Variants in ADGRB3 observed in about 807,000 individuals in gnomAD.
ADGRB3 encodes adhesion G protein-coupled receptor B3, also known as brain-specific angiogenesis inhibitor 3.
Under a neutral mutation model 193.4 loss-of-function variants are expected in ADGRB3, and 37 were observed. The ratio of observed to expected loss-of-function variants is 0.19; its 90% CI spans 0.15 to 0.25. The LOEUF is 0.25. ADGRB3 is among the 10% of genes least tolerant of loss of function. The pLI is 1.00. For synonymous variants in ADGRB3, 690 were observed against 644.2 expected (o/e 1.07, Z -1.08); for missense variants, 1,637 against 1,852.9 (o/e 0.88, Z 2.14).
intron 3 of ADGRB3, among the ~76,000 whole-genome samples, chr6:68,846,914 G>C (rs1169911095): frequency 6.6e-6 from 1 of 152,148 alleles, no homozygotes; most frequent in Non-Finnish European, 1.5e-5. Context: ...ACCTAGAAAA[G>C]CCACAGACAC....
chr6:69,210,785 A>T (rs763592939), intron 17 of ADGRB3, among the ~76,000 whole-genome samples: 14 of 152,066 alleles, frequency 9.2e-5, no homozygotes, highest in Non-Finnish European at 1.8e-4. Context: ...CATAGCACCC[A>T]GCTTCCCTGC....
At chr6:68,783,547 C>T (rs1766902055) in intron 3 of ADGRB3, among the ~76,000 whole-genome samples, 1 of 151,644 alleles carries the variant, frequency 6.6e-6, no homozygotes, top group South Asian at 2.1e-4. Context: ...AGTATCAACA[C>T]TGTATGTTAT....
chr6:69,032,540 TGAAGA>T (rs1236856584), intron 13 of ADGRB3, among the ~76,000 whole-genome samples: 1 of 152,216 alleles, frequency 6.6e-6, no homozygotes, highest in Non-Finnish European at 1.5e-5. Context: ...CAATAACCCG[TGAAGA>T]GAAAAGAGGT....
intron 17 of ADGRB3, among the ~76,000 whole-genome samples, chr6:69,159,344 ATAATT>A: frequency 6.6e-6 from 1 of 152,252 alleles, no homozygotes; most frequent in East Asian, 1.9e-4. Flanking sequence ...TGTATAAACT[ATAATT>A]TATTTTTAAA....
intron 17 of ADGRB3, among the ~76,000 whole-genome samples, chr6:69,104,733 C>T (rs1255134678): frequency 6.6e-6 from 1 of 151,880 alleles, no homozygotes; most frequent in Non-Finnish European, 1.5e-5. Context: ...CCTATTTGCT[C>T]AATAATTCAA....
chr6:69,056,724 A>G (rs1771555086), intron 15 of ADGRB3, among the ~76,000 whole-genome samples: 1 of 152,110 alleles, frequency 6.6e-6, no homozygotes, highest in South Asian at 2.1e-4. Context: ...GTGTAGCCTT[A>G]GCACCCTTGT....
At chr6:69,014,530 G>T (rs1000295188) in intron 12 of ADGRB3, among the ~76,000 whole-genome samples, 1 of 151,830 alleles carries the variant, frequency 6.6e-6, no homozygotes, top group African/African-American at 2.4e-5. Context: ...TCAAAGCCAA[G>T]AATTGTAAAA....
At chr6:68,688,864 T>G (rs1242749162) in intron 3 of ADGRB3, among the ~76,000 whole-genome samples, 4 of 152,154 alleles carry the variant, frequency 2.6e-5, no homozygotes, top group Non-Finnish European at 5.9e-5. Context: ...TTCTGAAGTC[T>G]AACATTTTCT....
intron 3 of ADGRB3, among the ~76,000 whole-genome samples, chr6:68,776,424 T>C (rs1562025003): frequency 6.6e-6 from 1 of 152,206 alleles, no homozygotes; most frequent in Non-Finnish European, 1.5e-5. Flanking sequence ...GTCTGTGGCA[T>C]GAATGGGGTA....
At chr6:69,145,092 A>G (rs1774448624) in intron 17 of ADGRB3, among the ~76,000 whole-genome samples, 2 of 152,178 alleles carry the variant, frequency 1.3e-5, no homozygotes, top group Admixed American at 1.3e-4. Flanking sequence ...CTCTGTGGCC[A>G]GTGGCACCTT....
At chr6:68,845,690 G>A (rs1407827015) in intron 3 of ADGRB3, among the ~76,000 whole-genome samples, 1 of 152,142 alleles carries the variant, frequency 6.6e-6, no homozygotes, top group Non-Finnish European at 1.5e-5. Flanking sequence ...CACCATGTAA[G>A]AAGTGCCTTT....
chr6:68,974,076 C>A (rs529849631), intron 8 of ADGRB3, among the ~76,000 whole-genome samples: 56 of 152,070 alleles, frequency 3.7e-4, no homozygotes, highest in African/African-American at 1.3e-3. Flanking sequence ...ACTCTTTATG[C>A]TTATTTATTT....
At chr6:69,031,016 T>TTTTTTTTCTTTTCCTTTCTTTTCTTTTC (rs1770640533) in intron 13 of ADGRB3, among the ~76,000 whole-genome samples, 1 of 61,240 alleles carries the variant, frequency 1.6e-5, no homozygotes, top group African/African-American at 9.6e-5. Flanking sequence ...TTTTCTTTTC[T>TTTTTTTTCTTTTCCTTTCTTTTCTTTTC]TTTTTTTTTC....
chr6:68,984,735 G>A (rs941888320), intron 10 of ADGRB3, among the ~76,000 whole-genome samples: 7 of 151,936 alleles, frequency 4.6e-5, no homozygotes, highest in Non-Finnish European at 5.9e-5. Context: ...ACCCAAGAAG[G>A]CAAAAAGAAA....
intron 17 of ADGRB3, among the ~76,000 whole-genome samples, chr6:69,153,582 C>T (rs950589536): frequency 6.6e-6 from 1 of 152,048 alleles, no homozygotes; most frequent in Admixed American, 6.6e-5. Context: ...AAAAGTTCAT[C>T]AAGCTTAATA....
intron 3 of ADGRB3, among the ~76,000 whole-genome samples, chr6:68,727,221 G>T (rs564770998): frequency 2.0e-4 from 30 of 151,626 alleles, no homozygotes; most frequent in Admixed American, 1.9e-3. Context: ...TGTTGAAATT[G>T]TGAAAACAAA....
At chr6:68,830,416 A>G (rs926490417) in intron 3 of ADGRB3, among the ~76,000 whole-genome samples, 3 of 152,158 alleles carry the variant, frequency 2.0e-5, no homozygotes, top group Non-Finnish European at 4.4e-5. Flanking sequence ...CAATATATAG[A>G]ACTTGGAATT....
At position 68,742,322 on chromosome 6, in the gene ADGRB3, A is replaced by T. The variant is rs569597045; in HGVS notation, c.757+102890A>T. 1.3e-5 allele frequency among the ~76,000 whole-genome samples: 2 copies of T among 152,200 alleles called. 1 individual carries two copies. Among genetic ancestry groups the T allele is most frequent in the South Asian group, 4.1e-4 (2 of 4,838 alleles). ...GTCTCAACATAAATATATGAATGGA[A>T]ATTTAATCCTTTCTATGACAGGTCA... On this transcript the variant is annotated intron_variant, in intron 3 of 31. Transcript: ENST00000370598.
chr6:68,691,111 T>C (rs1341000941), intron 3 of ADGRB3, among the ~76,000 whole-genome samples: 2 of 152,132 alleles, frequency 1.3e-5, no homozygotes, highest in Non-Finnish European at 2.9e-5. Flanking sequence ...TTAAAATGCA[T>C]ATAGGATCAA....
Sources: allele counts gnomAD v4.1 joint callset (sites outside exome capture counted in the v4.1 genomes callset), GRCh38; gene constraint gnomAD v4.1.1; transcripts MANE v1.5; gene names NCBI Gene and HGNC (gene_info 2026-07-23, HGNC 2026-07-21).